The following CFB variants were observed in gnomAD, a reference collection of about 807,000 sequenced individuals.
CFB encodes B-factor, properdin.
In CFB, 59 loss-of-function variants were observed where a neutral mutation model predicts 97.2. The ratio of observed to expected loss-of-function variants is 0.61; its 90% confidence interval spans 0.49 to 0.75. The LOEUF is 0.75. Among genes scored for constraint, CFB ranks in the 30% least tolerant of loss-of-function variants. The pLI, the probability that CFB is intolerant of heterozygous loss-of-function variation, is 0.00. For synonymous variants in CFB, 316 were observed against 351.7 expected (o/e 0.90, Z 1.14); for missense variants, 771 against 959.8 (o/e 0.80, Z 2.60).
In CFB at chr6:31,947,227, C is replaced by A. The variant is rs531231240; in HGVS notation, c.484+35C>A. On this transcript the variant is annotated intron_variant, in intron 3 of 17. Transcript: ENST00000425368. This position sits in a 1 kb window ranked among gnomAD's most constrained non-coding sequence, Gnocchi z 5.3. ...ATCCCCTCCCCCTACATTGCTGTCT[C>A]CCTGACGGCGCCCAGCCCGAGGAGT... 6.2e-7 allele frequency: 1 copy of A among 1,611,660 alleles called. No individual in the cohort carries two copies. Among genetic ancestry groups the A allele is most frequent in the Non-Finnish European group, 8.5e-7 (1 of 1,179,580 alleles).
chr6:31,948,737 G>T, intron 7 of CFB, 93 bp from the exon 8 acceptor site: 1 of 1,601,650 alleles, frequency 6.2e-7, no homozygotes, highest in Non-Finnish European at 8.5e-7. Context: ...TTAAAAAGTT[G>T]AAAGATGTGG....
intron 10 of CFB, chr6:31,949,809 G>C: frequency 1.5e-6 from 1 of 686,250 alleles, no homozygotes; most frequent in Non-Finnish European, 2.5e-6. Flanking sequence ...GGAGGTCAAG[G>C]GACAGCAAGT....
At chr6:31,949,832 T>C in intron 10 of CFB, 1 of 689,198 alleles carries the variant, frequency 1.5e-6, no homozygotes. Context: ...GCAACAAGGG[T>C]GGGCTTGAAA....
chr6:31,947,967 C>T lies in CFB; in HGVS notation c.783C>T (p.Ile261=), dbSNP rs113410938. The change falls in exon 6 of 18, where the codon ATC becomes ATT. Residue 261 remains isoleucine (I), a synonymous_variant. Transcript: ENST00000425368. This position sits in a 1 kb window ranked among gnomAD's most constrained non-coding sequence, Gnocchi z 5.3. ...CAGGGGAACAACAGAAGCGGAAGAT[C>T]GTCCTGGACCCTTCAGGCTCCATGA... ...HGPGEQQKRK[I]VLDPSGSMNI... 8.7e-6 allele frequency: 14 copies of T among 1,614,072 alleles called. No individual in the cohort carries two copies. The highest frequency in any genetic ancestry group is 2.7e-5 in the African/African-American group (2 of 74,924).
In CFB at chr6:31,951,943, T is replaced by C. The variant is rs1443903715; in HGVS notation, c.2208T>C (p.Ala736=). Residue 736 remains alanine (A), a synonymous_variant, in exon 18 of 18, where the codon GCT becomes GCC. Transcript: ENST00000425368. The surrounding 1 kb of genome is among the most constrained non-coding windows in gnomAD (Gnocchi z 4.3). ...KNQKRQKQVP[A]HARDFHINLF... ...AGAAGCGGCAAAAGCAGGTACCTGC[T>C]CACGCCCGAGACTTTCACATCAACC... The C allele has an allele frequency of 6.2e-7, 1 of 1,613,000 alleles. No homozygotes were observed. The highest frequency in any genetic ancestry group is 8.5e-7 in the Non-Finnish European group (1 of 1,180,056).
intron 7 of CFB, 138 bp downstream of exon 7, chr6:31,948,650 G>T: frequency 6.7e-7 from 1 of 1,500,594 alleles, no homozygotes; most frequent in Non-Finnish European, 9.2e-7. Context: ...GTTGGGCAAT[G>T]GAGGTTAGTG....
chr6:31,949,514 C>T lies in CFB; in HGVS notation c.1365C>T (p.Val455=), dbSNP rs2072634. 0.026 allele frequency: 41,981 copies of T among 1,613,554 alleles called. 1,364 individuals carry two copies. Among genetic ancestry groups the T allele is most frequent in the South Asian group, 0.12 (11,213 of 91,078 alleles). ...KKDNEQHVFK[V]KDMENLEDVF... ...ACAATGAGCAACATGTGTTCAAAGT[C>T]AAGGATATGGAAAACCTGGAAGATG... Residue 455 remains valine (V), a synonymous_variant, in exon 10 of 18, where the codon GTC becomes GTT. Coordinates refer to ENST00000425368, the MANE Select transcript of CFB (RefSeq NM_001710.6).
Position 31,950,916 on chromosome 6 carries a change from T to C in CFB, c.1827T>C (p.Leu609=). 1.2e-6 allele frequency: 2 copies of C among 1,613,018 alleles called. No homozygotes were observed. The highest frequency in any genetic ancestry group is 3.3e-4 in the Middle Eastern group (2 of 6,058). The change falls in exon 14 of 18, where the codon CTT becomes CTC. Residue 609 remains leucine (L), a synonymous_variant. Transcript: ENST00000425368. Reference sequence around the variant, plus strand: ...AGGGAACAACTCGAGCTTTGAGGCTTCCTCCAACTACCACTTGCCAGCAAC... The same window carrying C: ...AGGGAACAACTCGAGCTTTGAGGCTCCCTCCAACTACCACTTGCCAGCAAC... ...CTEGTTRALR[L]PPTTTCQQQK... is the part of the protein sequence containing the mutation.
In CFB at chr6:31,951,302, C is replaced by G; in HGVS notation, c.1957-39C>G. The G allele has an allele frequency of 6.2e-7, 1 of 1,613,958 alleles. No individual in the cohort carries two copies. The highest frequency in any genetic ancestry group is 2.2e-5 in the East Asian group (1 of 44,882). On this transcript the variant is annotated intron_variant, in intron 15 of 17. Transcript: ENST00000425368. The surrounding 1 kb of genome is among the most constrained non-coding windows in gnomAD (Gnocchi z 4.3). ...GGCCCCAATCCTTCCTAAGCCACTT[C>G]TGTTCATTACTTCTCCATGCTTCCC...
chr6:31,950,060 GTC>G lies in CFB; in HGVS notation c.1423_1424del (p.Leu475GlufsTer43). 1 of 1,613,064 alleles carries G rather than the reference GTC, an allele frequency of 6.2e-7. No homozygotes were observed. Among genetic ancestry groups the G allele is most frequent in the Non-Finnish European group, 8.5e-7 (1 of 1,180,038 alleles). On this transcript the variant is annotated frameshift_variant, in exon 11 of 18. Coordinates refer to ENST00000425368, the MANE Select transcript of CFB (RefSeq NM_001710.6). LOFTEE classifies it high-confidence loss of function. The stretch of plus-strand genomic sequence containing the variant: ...CTCCTTCTCTGCCAGATGAAAGCCA[GTC>G]TCTGAGTCTCTGTGGCATGGTTTGG... ...VFYQMIDESQ[S>X]LSLCGMVWEH...
In CFB at chr6:31,946,401, C is replaced by T; in HGVS notation, c.93C>T (p.Ala31=). 1.2e-6 allele frequency: 2 copies of T among 1,613,072 alleles called. No homozygotes were observed. Among genetic ancestry groups the T allele is most frequent in the African/African-American group, 2.7e-5 (2 of 75,046 alleles). ...TGACCACCACTCCATGGTCTTTGGCCCGGCCCCAGGGATCCTGCTCTCTGG... is the reference window on the plus strand; with the variant it reads ...TGACCACCACTCCATGGTCTTTGGCTCGGCCCCAGGGATCCTGCTCTCTGG... The part of the protein sequence containing the change: ...GGVTTTPWSL[A]RPQGSCSLEG... Residue 31 remains alanine (A), a synonymous_variant, in exon 2 of 18, where the codon GCC becomes GCT. Coordinates refer to ENST00000425368, the MANE Select transcript of CFB (RefSeq NM_001710.6). The surrounding 1 kb of genome is among the most constrained non-coding windows in gnomAD (Gnocchi z 6.4).
intron 8 of CFB, 38 bp downstream of exon 8, chr6:31,948,999 C>T (rs1350855659): frequency 2.5e-6 from 4 of 1,612,426 alleles, no homozygotes; most frequent in African/African-American, 1.3e-5. Flanking sequence ...GCCTCCCCAC[C>T]TTCTCAGACC....
At chr6:31,949,631 C>T in intron 10 of CFB, 74 bp downstream of exon 10, 1 of 1,576,134 alleles carries the variant, frequency 6.3e-7, no homozygotes, top group African/African-American at 1.3e-5. Flanking sequence ...TTCCTCTACA[C>T]CTGAAGCTCT....
rs752288067 is a variant in CFB at position 31,951,417 on chromosome 6, C to G, written c.2033C>G (p.Pro678Arg). The change falls in exon 16 of 18, where the codon CCT becomes CGT. Residue 678 changes from proline (P) to arginine (R), a missense_variant. By Grantham distance (103) the Pro-to-Arg change is moderately radical (BLOSUM62 -2). Coordinates refer to ENST00000425368, the MANE Select transcript of CFB (RefSeq NM_001710.6). This position sits in a 1 kb window ranked among gnomAD's most constrained non-coding sequence, Gnocchi z 4.3. ...KVKDISEVVT[P>R]RFLCTGGVSP... ...AAGGACATCTCAGAGGTGGTCACCC[C>G]TCGGTTCCTTTGTACTGGAGGAGTG... 1 of 1,614,074 alleles carries G rather than the reference C, an allele frequency of 6.2e-7. No homozygotes were observed. Among genetic ancestry groups the G allele is most frequent in the African/African-American group, 1.3e-5 (1 of 74,898 alleles).
rs756556879 is a variant in CFB, at chr6:31,951,668, A to G, written c.2139+64A>G. 2.3e-5 allele frequency: 37 copies of G among 1,605,126 alleles called. 1 individual carries two copies. In the East Asian group the frequency reaches 3.3e-4, roughly 15 times the overall value. ...GTCAGCATGGGCCCCAAAGCAGGAAAGCTCAATGCATGTGGCTAGTAATTC... is the reference window on the plus strand; with the variant it reads ...GTCAGCATGGGCCCCAAAGCAGGAAGGCTCAATGCATGTGGCTAGTAATTC... On this transcript the variant is annotated intron_variant, in intron 17 of 17. Transcript: ENST00000425368. This position sits in a 1 kb window ranked among gnomAD's most constrained non-coding sequence, Gnocchi z 4.3.
chr6:31,947,990 T>A lies in CFB; in HGVS notation c.806T>A (p.Met269Lys), dbSNP rs1343088048. ...RKIVLDPSGS[M>K]NIYLVLDGSD... is the part of the protein sequence containing the mutation. ...ATCGTCCTGGACCCTTCAGGCTCCA[T>A]GAACATCTACCTGGTGCTAGATGGA... Residue 269 changes from methionine to lysine, a missense_variant, in exon 6 of 18, where the codon ATG (methionine) becomes AAG (lysine). Coordinates refer to ENST00000425368, the MANE Select transcript of CFB (RefSeq NM_001710.6). The surrounding 1 kb of genome is among the most constrained non-coding windows in gnomAD (Gnocchi z 5.3). The A allele has an allele frequency of 6.2e-7, 1 of 1,614,184 alleles. No individual in the cohort carries two copies. Among genetic ancestry groups the A allele is most frequent in the Non-Finnish European group, 8.5e-7 (1 of 1,180,016 alleles).
chr6:31,948,866 C>G lies in CFB; in HGVS notation c.1073C>G (p.Ala358Gly). 2 of 1,613,004 alleles carry G rather than the reference C, an allele frequency of 1.2e-6. No individual in the cohort carries two copies. Among genetic ancestry groups the G allele is most frequent in the Non-Finnish European group, 1.7e-6 (2 of 1,180,018 alleles). ...AAGTCAGGGACTAACACCAAGAAGG[C>G]CCTCCAGGCAGTGTACAGCATGATG... ...KLKSGTNTKK[A>G]LQAVYSMMSW... is the part of the protein sequence containing the mutation. Residue 358 changes from alanine (A) to glycine (G), a missense_variant, in exon 8 of 18, where the codon GCC becomes GGC. Ala to Gly is a moderately conservative substitution (Grantham distance 60). Coordinates refer to ENST00000425368, the MANE Select transcript of CFB (RefSeq NM_001710.6).
In CFB at chr6:31,950,867, G is replaced by A; in HGVS notation, c.1779-1G>A. On this transcript the variant is annotated splice_acceptor_variant, in intron 13 of 17. Coordinates refer to ENST00000425368, the MANE Select transcript of CFB (RefSeq NM_001710.6). LOFTEE classifies it high-confidence loss of function. Reference sequence around the variant, plus strand: ...TTTGCTGTTCTCCTTGTCCTTTATAGGCCCATTTGTCTCCCCTGCACCGAG... The same window carrying A: ...TTTGCTGTTCTCCTTGTCCTTTATAAGCCCATTTGTCTCCCCTGCACCGAG... The A allele has an allele frequency of 1.2e-6, 2 of 1,612,958 alleles. No individual in the cohort carries two copies. Among genetic ancestry groups the A allele is most frequent in the Admixed American group, 1.7e-5 (1 of 60,014 alleles).
rs1771795602 is a variant in CFB at position 31,951,904 on chromosome 6, T to C, written c.2169T>C (p.Asp723=). Residue 723 remains aspartate, a synonymous_variant, in exon 18 of 18, where the codon GAT becomes GAC. Coordinates refer to ENST00000425368, the MANE Select transcript of CFB (RefSeq NM_001710.6). This position sits in a 1 kb window ranked among gnomAD's most constrained non-coding sequence, Gnocchi z 4.3. ...GTGTAATCAGCTGGGGAGTAGTGGA[T>C]GTCTGCAAAAACCAGAAGCGGCAAA... is the stretch of plus-strand genomic sequence containing the variant. ...QVGVISWGVV[D]VCKNQKRQKQ... 1 of 1,613,092 alleles carries C rather than the reference T, an allele frequency of 6.2e-7. No individual in the cohort carries two copies. Among genetic ancestry groups the C allele is most frequent in the Non-Finnish European group, 8.5e-7 (1 of 1,180,032 alleles).
Sources: gnomAD v4.1 joint callset for allele counts on GRCh38, gnomAD v4.1.1 for gene constraint, Gnocchi (gnomAD v3.1) non-coding constraint, MANE v1.5 for transcripts, NCBI Gene and HGNC (gene_info 2026-07-23, HGNC 2026-07-21) for gene names.